The following UNC79 variants were observed in gnomAD, a reference collection of about 807,000 sequenced individuals.
UNC79 encodes the protein unc-79 subunit of NALCN channel complex.
In UNC79, 37 loss-of-function variants were observed where a neutral mutation model predicts 283.1. That is an observed-to-expected ratio of 0.13 (90% CI 0.10 to 0.17). UNC79 has a LOEUF of 0.17. Ranked by LOEUF, UNC79 falls within the 10% of genes least tolerant of loss-of-function variation. UNC79 has a pLI of 1.00. For missense variants in UNC79, 2,272 were observed against 3,211.1 expected (o/e 0.71, Z 7.07); for synonymous variants, 1,107 against 1,200.2 (o/e 0.92, Z 1.61).
chr14:93,464,927 A>G (rs745729106), intron 1 of UNC79, among the ~76,000 whole-genome samples: 1 of 152,140 alleles, frequency 6.6e-6, no homozygotes, highest in African/African-American at 2.4e-5. Context: ...ACAAATTACT[A>G]TTTGTCATGG....
intron 1 of UNC79, among the ~76,000 whole-genome samples, chr14:93,351,710 G>T (rs2053983024): frequency 6.6e-6 from 1 of 152,124 alleles, no homozygotes; most frequent in East Asian, 1.9e-4. Flanking sequence ...AGAGAGATTG[G>T]TTTATTTTAA....
chr14:93,622,291 A>G (rs745699148), exon 30 of UNC79: 2 of 1,614,176 alleles, frequency 1.2e-6, no homozygotes, highest in Admixed American at 1.7e-5. Context: ...CGCTTGTACA[A>G]GTAAGTGTGG....
chr14:93,397,317 T>G (rs973447952), intron 1 of UNC79: 18 of 152,296 alleles, frequency 1.2e-4, no homozygotes, highest in African/African-American at 4.1e-4. Flanking sequence ...TTTGGAAAAC[T>G]CCCTGTCAGG....
intron 18 of UNC79, among the ~76,000 whole-genome samples, chr14:93,578,443 G>A (rs897624335): frequency 6.6e-6 from 1 of 152,130 alleles, no homozygotes; most frequent in African/African-American, 2.4e-5. Flanking sequence ...AAAAAGAGAA[G>A]TTAAAAAGGT....
In UNC79 at chr14:93,545,742, C is replaced by T. The variant is rs1331835846; in HGVS notation, c.1755+3046C>T. Among the ~76,000 whole-genome samples the T allele has an allele frequency of 2.6e-5, 4 of 152,284 alleles. No homozygotes were observed. The East Asian group carries it at 7.7e-4, about 29-fold the overall frequency. On this transcript the variant is annotated intron_variant, in intron 14 of 48. Transcript: ENST00000555664. ...AACTGTAACTGCCTGATGGGTTCTTCCTGCCTGCTGCACAAACAACATCGA... is the reference window on the plus strand; with the variant it reads ...AACTGTAACTGCCTGATGGGTTCTTTCTGCCTGCTGCACAAACAACATCGA...
chr14:93,387,190 G>A (rs188217689), intron 1 of UNC79, among the ~76,000 whole-genome samples: 6 of 152,076 alleles, frequency 3.9e-5, no homozygotes, highest in Admixed American at 3.9e-4. Context: ...TGATCCACCC[G>A]CCTCGGCCTC....
intron 48 of UNC79, among the ~76,000 whole-genome samples, chr14:93,705,068 C>G (rs1946359269): frequency 6.6e-6 from 1 of 152,022 alleles, no homozygotes; most frequent in Admixed American, 6.6e-5. Flanking sequence ...GACCCCATCT[C>G]TGCAAAAGAA....
At chr14:93,369,646 A>C (rs1291766764) in intron 1 of UNC79, among the ~76,000 whole-genome samples, 1 of 152,212 alleles carries the variant, frequency 6.6e-6, no homozygotes, top group Non-Finnish European at 1.5e-5. Context: ...GGACCTAGTC[A>C]TAGGAACCCC....
At chr14:93,479,977 A>G (rs2058041856) in intron 4 of UNC79, among the ~76,000 whole-genome samples, 1 of 152,232 alleles carries the variant, frequency 6.6e-6, no homozygotes, top group South Asian at 2.1e-4. Flanking sequence ...CCTCCTTCTT[A>G]GGAATAAGTT....
chr14:93,663,719 AT>A (rs1165342940), intron 40 of UNC79, among the ~76,000 whole-genome samples: 1 of 151,992 alleles, frequency 6.6e-6, no homozygotes, highest in African/African-American at 2.4e-5. Flanking sequence ...GATGGTCAGC[AT>A]TTTTTTCTTC....
At chr14:93,575,350 A>G in intron 17 of UNC79, 152 bp downstream of exon 17, 1 of 858,804 alleles carries the variant, frequency 1.2e-6, no homozygotes, top group Non-Finnish European at 1.8e-6. Flanking sequence ...TTAAATAGTC[A>G]CATTTGTTTG....
chr14:93,672,929 G>A (rs144948448), intron 40 of UNC79, among the ~76,000 whole-genome samples: 6 of 152,332 alleles, frequency 3.9e-5, no homozygotes, highest in African/African-American at 1.4e-4. Flanking sequence ...TTTTCTGGAT[G>A]CTTGAAATAG....
chr14:93,375,996 G>A (rs1198124647), intron 1 of UNC79, among the ~76,000 whole-genome samples: 3 of 152,286 alleles, frequency 2.0e-5, no homozygotes, highest in Non-Finnish European at 4.4e-5. Flanking sequence ...GCCACCTTGG[G>A]ACTCTGCAGA....
intron 1 of UNC79, among the ~76,000 whole-genome samples, chr14:93,420,149 A>G (rs1326892074): frequency 6.6e-6 from 1 of 151,010 alleles, no homozygotes; most frequent in Non-Finnish European, 1.5e-5. Flanking sequence ...TAGACTTTCC[A>G]ATCAAAAGAC....
chr14:93,487,368 C>G (rs1166249668), intron 4 of UNC79, among the ~76,000 whole-genome samples: 1 of 152,094 alleles, frequency 6.6e-6, no homozygotes, highest in Non-Finnish European at 1.5e-5. Context: ...CATCTAAATA[C>G]AAACATCATG....
At chr14:93,551,399 T>A (rs900523350) in intron 14 of UNC79, among the ~76,000 whole-genome samples, 1 of 152,040 alleles carries the variant, frequency 6.6e-6, no homozygotes, top group Non-Finnish European at 1.5e-5. Flanking sequence ...GGCGGTAGAG[T>A]ATACAGGCTG....
intron 22 of UNC79, among the ~76,000 whole-genome samples, chr14:93,591,557 G>C (rs75995442): frequency 5.3e-4 from 81 of 152,308 alleles, no homozygotes; most frequent in South Asian, 1.2e-3. Context: ...TTGCAGTACC[G>C]TACTGTGTTT....
At chr14:93,629,363 G>A (rs1019744281) in intron 30 of UNC79, among the ~76,000 whole-genome samples, 2 of 152,210 alleles carry the variant, frequency 1.3e-5, no homozygotes, top group Admixed American at 6.5e-5. Flanking sequence ...GCCAGTAAGG[G>A]TAAGAGAGAT....
upstream of UNC79, among the ~76,000 whole-genome samples, chr14:93,429,792 G>C (rs975057073): frequency 1.3e-5 from 2 of 152,220 alleles, no homozygotes; most frequent in African/African-American, 2.4e-5. Flanking sequence ...TGGACATAAT[G>C]GTTGGGGATT....
Sources: allele counts gnomAD v4.1 joint callset (sites outside exome capture counted in the v4.1 genomes callset), GRCh38; gene constraint gnomAD v4.1.1; transcripts MANE v1.5; gene names NCBI Gene and HGNC (gene_info 2026-07-23, HGNC 2026-07-21).